CACNA2D3: variants seen among roughly 807,000 people sequenced by gnomAD.
The protein encoded by CACNA2D3 is voltage-dependent calcium channel subunit alpha-2/delta-3.
Under a neutral mutation model 160.6 loss-of-function variants are expected in CACNA2D3, and 60 were observed. The observed-to-expected ratio is 0.37, with a 90% CI of 0.30 to 0.46. CACNA2D3 has a LOEUF of 0.46. Among genes scored for constraint, CACNA2D3 ranks in the 20% least tolerant of loss-of-function variants. CACNA2D3 has a pLI of 1.00. For missense variants in CACNA2D3, 1,205 were observed against 1,365.0 expected, an observed-to-expected ratio of 0.88 and a Z score of 1.85; for synonymous variants, 558 against 492.9, an observed-to-expected ratio of 1.13 and a Z score of -1.75.
intron 34 of CACNA2D3, among the ~76,000 whole-genome samples, chr3:55,017,267 A>ACAG (rs1346539395): frequency 6.6e-6 from 1 of 152,178 alleles, no homozygotes; most frequent in Non-Finnish European, 1.5e-5. Flanking sequence ...ACAGGTGAGA[A>ACAG]CAGTGAGGAT....
chr3:54,213,942 G>C (rs1052053388), intron 2 of CACNA2D3, among the ~76,000 whole-genome samples: 1 of 152,204 alleles, frequency 6.6e-6, no homozygotes, highest in East Asian at 1.9e-4. Flanking sequence ...AGAGGCCCAG[G>C]AATCAGTTGA....
chr3:54,228,497 G>A (rs77673694), intron 2 of CACNA2D3, among the ~76,000 whole-genome samples: 1 of 152,230 alleles, frequency 6.6e-6, no homozygotes, highest in African/African-American at 2.4e-5. Flanking sequence ...CCAGACTGTG[G>A]TGGGAACATG....
At chr3:54,630,460 G>A (rs1364123201) in intron 10 of CACNA2D3, among the ~76,000 whole-genome samples, 1 of 152,150 alleles carries the variant, frequency 6.6e-6, no homozygotes, top group Admixed American at 6.5e-5. Flanking sequence ...CCCACATGGG[G>A]GTTGTGGTCA....
intron 2 of CACNA2D3, among the ~76,000 whole-genome samples, chr3:54,256,923 G>C (rs57537423): frequency 1.3e-5 from 2 of 152,112 alleles, no homozygotes; most frequent in African/African-American, 2.4e-5. Context: ...ATTATTTGTC[G>C]CACTTTTTGG....
intron 13 of CACNA2D3, among the ~76,000 whole-genome samples, chr3:54,772,955 C>T (rs994448580): frequency 2.6e-5 from 4 of 152,166 alleles, no homozygotes; most frequent in African/African-American, 7.2e-5. Flanking sequence ...ACCACAGTGA[C>T]ACGCAGAAGG....
intron 11 of CACNA2D3, among the ~76,000 whole-genome samples, chr3:54,744,514 G>C (rs1701713411): frequency 6.6e-6 from 1 of 152,172 alleles, no homozygotes; most frequent in Non-Finnish European, 1.5e-5. Flanking sequence ...TGGATCCTTT[G>C]ACTCTCCAAG....
intron 2 of CACNA2D3, among the ~76,000 whole-genome samples, chr3:54,131,433 C>T (rs1699705087): frequency 6.6e-6 from 1 of 152,236 alleles, no homozygotes; most frequent in South Asian, 2.1e-4. Context: ...CCTTATGCCA[C>T]AGGAGATCCC....
In CACNA2D3 at chr3:54,169,000, C is replaced by T. The variant is rs118051579; in HGVS notation, c.204+45406C>T. Among the ~76,000 whole-genome samples, 82 of 152,244 alleles carry T rather than the reference C, an allele frequency of 5.4e-4. No individual in the cohort carries two copies. The East Asian group carries it at 0.013, about 23-fold the overall frequency. On this transcript the variant is annotated intron_variant, in intron 2 of 37. Transcript: ENST00000474759. ...AGTATGTATTGTATGGTGCTCAAAA[C>T]GGTGAGATTGAAATAGATGTTTGAG...
At chr3:54,656,281 T>C (rs943040093) in intron 11 of CACNA2D3, among the ~76,000 whole-genome samples, 28 of 152,236 alleles carry the variant, frequency 1.8e-4, no homozygotes, top group Admixed American at 7.9e-4. Context: ...TATTTTCTTA[T>C]CTCATTCACT....
rs9816122 is a variant in CACNA2D3 at position 54,163,812 on chromosome 3, A to G, written c.204+40218A>G. On this transcript the variant is annotated intron_variant, in intron 2 of 37. Transcript: ENST00000474759. ...AGAGTGACGGCATGCGGAGGCGTCA[A>G]TGCATCTACCTCCAGCACACCAGGC... Among the ~76,000 whole-genome samples, 325 of 152,310 alleles carry G rather than the reference A, an allele frequency of 2.1e-3. 1 individual carries two copies. Among genetic ancestry groups the G allele is most frequent in the African/African-American group, 7.2e-3 (299 of 41,574 alleles).
Position 54,520,215 on chromosome 3 carries a change from A to G in CACNA2D3, c.544+16561A>G, listed in dbSNP as rs75159213. On this transcript the variant is annotated intron_variant, in intron 5 of 37. Coordinates refer to ENST00000474759, the MANE Select transcript of CACNA2D3 (RefSeq NM_018398.3). ...TGCAGTTCTTCCTGGCCTTTCTCAC[A>G]TTATAACACTCTGGGGAAGCAAGAT... 7.9e-3 allele frequency among the ~76,000 whole-genome samples: 1,197 copies of G among 152,322 alleles called. 21 individuals carry two copies. The highest frequency in any genetic ancestry group is 0.027 in the African/African-American group (1,134 of 41,568).
At chr3:54,986,874 C>G (rs1702626667) in intron 30 of CACNA2D3, among the ~76,000 whole-genome samples, 1 of 152,156 alleles carries the variant, frequency 6.6e-6, no homozygotes, top group South Asian at 2.1e-4. Flanking sequence ...CTGCGTACGC[C>G]CTCCCCCATG....
chr3:55,062,843 G>A (rs1704547095), intron 35 of CACNA2D3, among the ~76,000 whole-genome samples: 1 of 152,090 alleles, frequency 6.6e-6, no homozygotes, highest in Non-Finnish European at 1.5e-5. Flanking sequence ...GTTTTCCTGG[G>A]TTACAAAAAG....
At chr3:55,057,027 C>T (rs768479036) in intron 35 of CACNA2D3, among the ~76,000 whole-genome samples, 2 of 152,296 alleles carry the variant, frequency 1.3e-5, no homozygotes, top group Non-Finnish European at 1.5e-5. Flanking sequence ...GCCCAAATCT[C>T]ATCTTGAATT....
intron 13 of CACNA2D3, among the ~76,000 whole-genome samples, chr3:54,798,044 A>G (rs78053142): frequency 0.015 from 2,245 of 152,306 alleles, 57 homozygotes; most frequent in African/African-American, 0.052. Flanking sequence ...ATCCCGTGAA[A>G]AGTGTGACAC....
intron 27 of CACNA2D3, chr3:54,918,508 T>A (rs1410316100): frequency 6.2e-7 from 1 of 1,614,036 alleles, no homozygotes; most frequent in Admixed American, 1.7e-5. Flanking sequence ...CTTCCCAGGA[T>A]CATTGGTTTG....
intron 31 of CACNA2D3, among the ~76,000 whole-genome samples, chr3:54,996,177 G>A (rs9851733): frequency 0.78 from 118,496 of 152,240 alleles, 46,497 homozygotes; most frequent in East Asian, 0.9. Flanking sequence ...TATGAAATAT[G>A]GACCTGGCTT....
intron 11 of CACNA2D3, among the ~76,000 whole-genome samples, chr3:54,691,417 A>G (rs17054296): frequency 0.012 from 1,837 of 152,306 alleles, 116 homozygotes; most frequent in Admixed American, 0.1. Flanking sequence ...ACAAAGGAAC[A>G]TATTGTGGTG....
At chr3:55,033,582 GTGTA>G (rs59934879) in intron 35 of CACNA2D3, among the ~76,000 whole-genome samples, 29,688 of 118,794 alleles carry the variant, frequency 0.25, 3,343 homozygotes, top group Admixed American at 0.3. Context: ...TTATGTGTGT[GTGTA>G]TATATATATA....
Sources: allele counts gnomAD v4.1 joint callset (sites outside exome capture counted in the v4.1 genomes callset), GRCh38; gene constraint gnomAD v4.1.1; transcripts MANE v1.5; gene names NCBI Gene and HGNC (gene_info 2026-07-23, HGNC 2026-07-21).